CORO2B: variants seen among roughly 807,000 people sequenced by gnomAD.
CORO2B encodes the protein coronin-2B.
CORO2B carries 26 observed loss-of-function variants against 58.8 expected under a neutral mutation model. The ratio of observed to expected loss-of-function variants is 0.44; its 90% CI spans 0.32 to 0.61. The LOEUF (loss-of-function observed/expected upper bound fraction) is 0.61. Among genes scored for constraint, CORO2B ranks in the 20% least tolerant of loss-of-function variants. The pLI is 0.04. For missense variants in CORO2B, 460 were observed against 645.1 expected (o/e 0.71, Z 3.11); for synonymous variants, 242 against 253.8 (o/e 0.95, Z 0.44).
intron 2 of CORO2B, among the ~76,000 whole-genome samples, chr15:68,690,069 A>G (rs1344376235): frequency 1.3e-5 from 2 of 152,180 alleles, no homozygotes; most frequent in East Asian, 3.8e-4. Context: ...TTATTTCACT[A>G]TTATCTGTGT....
At chr15:68,651,900 C>A (rs1901654803) in intron 2 of CORO2B, among the ~76,000 whole-genome samples, 1 of 152,196 alleles carries the variant, frequency 6.6e-6, no homozygotes, top group African/African-American at 2.4e-5. Flanking sequence ...ATTAAAAATT[C>A]TTCTGCAGAG....
At chr15:68,698,445 AT>A (rs1892565250) in intron 3 of CORO2B, among the ~76,000 whole-genome samples, 1 of 152,148 alleles carries the variant, frequency 6.6e-6, no homozygotes, top group South Asian at 2.1e-4. Context: ...TTAACCTGAT[AT>A]GTGCCTCATG....
chr15:68,636,424 G>A (rs8031238), intron 1 of CORO2B, among the ~76,000 whole-genome samples: 9,327 of 152,278 alleles, frequency 0.061, 981 homozygotes, highest in African/African-American at 0.21. Flanking sequence ...TGCATTGGGT[G>A]GTGGATGCAT....
chr15:68,561,654 C>G, the CORO2B span, among the ~76,000 whole-genome samples: 1 of 152,124 alleles, frequency 6.6e-6, no homozygotes. Context: ...ACACCCAGAG[C>G]CTGAGAGAGG....
chr15:68,721,667 G>A (rs1893163616), intron 11 of CORO2B, among the ~76,000 whole-genome samples: 1 of 152,052 alleles, frequency 6.6e-6, no homozygotes, highest in Non-Finnish European at 1.5e-5. Flanking sequence ...TGGGTACTTG[G>A]GGGTTCATGG....
At chr15:68,571,262 A>T in the CORO2B span, among the ~76,000 whole-genome samples, 1 of 152,238 alleles carries the variant, frequency 6.6e-6, no homozygotes, top group Non-Finnish European at 1.5e-5. Context: ...GTACATGTAA[A>T]TACAGATGCA....
the CORO2B span, among the ~76,000 whole-genome samples, chr15:68,553,729 G>T: frequency 3.9e-5 from 6 of 152,222 alleles, no homozygotes; most frequent in Admixed American, 1.3e-4. Flanking sequence ...CCTAGGCAAA[G>T]GCCATAAGCA....
chr15:68,672,159 G>GGGGTGTGTGTGTGTGTGT (rs1555415403), intron 2 of CORO2B, among the ~76,000 whole-genome samples: 3 of 146,178 alleles, frequency 2.1e-5, no homozygotes, highest in Non-Finnish European at 4.5e-5. Context: ...GTAATCGGGA[G>GGGGTGTGTGTGTGTGTGT]GTGTGTGTGT....
At chr15:68,703,377 C>T (rs924787656) in intron 3 of CORO2B, among the ~76,000 whole-genome samples, 4 of 151,924 alleles carry the variant, frequency 2.6e-5, no homozygotes, top group African/African-American at 9.7e-5. Flanking sequence ...TCTTGATCTC[C>T]TGACCTCAAG....
chr15:68,670,770 A>T (rs1192593768), intron 2 of CORO2B, among the ~76,000 whole-genome samples: 1 of 152,230 alleles, frequency 6.6e-6, no homozygotes, highest in Non-Finnish European at 1.5e-5. Flanking sequence ...GATATTTTTC[A>T]TCTGAAAATA....
intron 1 of CORO2B, among the ~76,000 whole-genome samples, chr15:68,610,519 C>G (rs1900224223): frequency 6.6e-6 from 1 of 152,088 alleles, no homozygotes; most frequent in African/African-American, 2.4e-5. Flanking sequence ...TCCCCTCCCT[C>G]ATACATCCTC....
intron 1 of CORO2B, among the ~76,000 whole-genome samples, chr15:68,618,787 A>G (rs144565082): frequency 0.01 from 1,528 of 152,354 alleles, 36 homozygotes; most frequent in African/African-American, 0.035. Context: ...AGGCAGTTAC[A>G]TTGTGATCTA....
chr15:68,570,339 A>G, the CORO2B span, among the ~76,000 whole-genome samples: 1 of 152,208 alleles, frequency 6.6e-6, no homozygotes, highest in African/African-American at 2.4e-5. Context: ...AGCTTGCACC[A>G]TCTATCTGCA....
chr15:68,545,612 C>CG, the CORO2B span, among the ~76,000 whole-genome samples: 1,116 of 53,306 alleles, frequency 0.021, 76 homozygotes, highest in African/African-American at 0.068. Context: ...ATGCGGGGGG[C>CG]GGGGGGGGTA....
In CORO2B at chr15:68,710,768, C is replaced by A; in HGVS notation, c.370C>A (p.Arg124=). The A allele has an allele frequency of 6.2e-7, 1 of 1,611,192 alleles. No homozygotes were observed. Among genetic ancestry groups the A allele is most frequent in the Non-Finnish European group, 8.5e-7 (1 of 1,178,734 alleles). The change falls in exon 4 of 12, where the codon CGG becomes AGG. Residue 124 remains arginine, a synonymous_variant. Transcript: ENST00000261861. This position sits in a 1 kb window ranked among gnomAD's most constrained non-coding sequence, Gnocchi z 4.1. Reference sequence around the variant, plus strand: ...GGAGATCCCCGAGGGCGGGCTGAAGCGGAACATGACGGAGGCGCTCCTGGA... The same window carrying A: ...GGAGATCCCCGAGGGCGGGCTGAAGAGGAACATGACGGAGGCGCTCCTGGA... ...IWEIPEGGLK[R]NMTEALLELH...
intron 2 of CORO2B, among the ~76,000 whole-genome samples, chr15:68,692,598 TA>T (rs78604550): frequency 5.1e-4 from 74 of 143,848 alleles, no homozygotes; most frequent in African/African-American, 1.8e-3. Flanking sequence ...AGCAAATAAA[TA>T]AAAAAAATTA....
intron 2 of CORO2B, among the ~76,000 whole-genome samples, chr15:68,648,863 A>G (rs1163440235): frequency 2.6e-5 from 4 of 152,228 alleles, no homozygotes; most frequent in Non-Finnish European, 5.9e-5. Flanking sequence ...AATTTCTACT[A>G]ATATTTAAAG....
chr15:68,574,284 G>A (rs975189177), upstream of CORO2B, among the ~76,000 whole-genome samples: 1 of 152,198 alleles, frequency 6.6e-6, no homozygotes, highest in Non-Finnish European at 1.5e-5. Flanking sequence ...GCCAGCATGT[G>A]GGCATGCCGC....
In CORO2B at chr15:68,645,761, A is replaced by C. The variant is rs1487627443; in HGVS notation, c.216+401A>C. 6.6e-6 allele frequency among the ~76,000 whole-genome samples: 1 copy of C among 151,808 alleles called. No homozygotes were observed. The highest frequency in any genetic ancestry group is 2.4e-5 in the African/African-American group (1 of 41,216). On this transcript the variant is annotated intron_variant, in intron 2 of 11. Coordinates refer to ENST00000261861, the MANE Select transcript of CORO2B (RefSeq NM_006091.5). The surrounding 1 kb of genome is among the most constrained non-coding windows in gnomAD (Gnocchi z 4.5). ...TAGCCATAGGTATTATACATTGAGC[A>C]TCTGCAAAAATTATACAATTTTTTT...
Sources: gnomAD v4.1 joint callset for allele counts (sites outside exome capture counted in the v4.1 genomes callset) on GRCh38, gnomAD v4.1.1 for gene constraint, Gnocchi (gnomAD v3.1) non-coding constraint, MANE v1.5 for transcripts, NCBI Gene and HGNC (gene_info 2026-07-23, HGNC 2026-07-21) for gene names.